RASA3: variants seen among roughly 807,000 people sequenced by gnomAD.
RASA3 encodes ras GTPase-activating protein 3.
Under a neutral mutation model 110.0 loss-of-function variants are expected in RASA3, and 73 were observed. The observed-to-expected ratio is 0.66, with a 90% CI of 0.55 to 0.81. The LOEUF (loss-of-function observed/expected upper bound fraction) is 0.81. Among genes scored for constraint, RASA3 ranks in the 30% least tolerant of loss-of-function variants. The pLI, the probability that RASA3 is intolerant of heterozygous loss-of-function variation, is 0.00. For synonymous variants in RASA3, 500 were observed against 451.4 expected, an observed-to-expected ratio of 1.11 and a Z score of -1.37; for missense variants, 976 against 1,113.2, an observed-to-expected ratio of 0.88 and a Z score of 1.75.
At chr13:114,050,600 C>A (rs530679680) in intron 3 of RASA3, among the ~76,000 whole-genome samples, 1 of 152,352 alleles carries the variant, frequency 6.6e-6, no homozygotes, top group East Asian at 1.9e-4. Flanking sequence ...GAGGGCCTCT[C>A]ACCCAGCCAA....
chr13:113,996,860 C>T, intron 20 of RASA3, 121 bp from the exon 21 acceptor site: 1 of 870,142 alleles, frequency 1.1e-6, no homozygotes, highest in Non-Finnish European at 1.8e-6. Flanking sequence ...TGAGGGTGCA[C>T]AGGCCCAAAA....
intron 7 of RASA3, among the ~76,000 whole-genome samples, chr13:114,026,219 C>T (rs1026860813): frequency 6.6e-6 from 1 of 152,210 alleles, no homozygotes; most frequent in Non-Finnish European, 1.5e-5. Flanking sequence ...AGCTCTACCC[C>T]ACTGTGTGTA....
chr13:113,996,049 GGGGGGGCCCGGCTGAT>G (rs775571565), intron 21 of RASA3, among the ~76,000 whole-genome samples: 175 of 48,342 alleles, frequency 3.6e-3, no homozygotes, highest in African/African-American at 5.3e-3. Context: ...CCCGGCTGAT[GGGGGGGCCCGGCTGAT>G]GGGGGGCCCG....
rs2053229699 is a variant in RASA3, at chr13:113,995,792, GGTCCGGCTGATGGGGGT to G, written c.2141+722_2141+738del. Among the ~76,000 whole-genome samples the G allele has an allele frequency of 7.9e-4, 45 of 56,816 alleles. 10 individuals are homozygous for G. Among genetic ancestry groups the G allele is most frequent in the Non-Finnish European group, 1.1e-3 (33 of 29,866 alleles). The allele number at this position is 56,816 out of a possible 152,430, so 37.3% of individuals were successfully genotyped here. A position where few individuals can be genotyped will look rare whatever the true frequency, so the allele number is the denominator to read the frequency against. On this transcript the variant is annotated intron_variant, in intron 21 of 23. Coordinates refer to ENST00000334062, the MANE Select transcript of RASA3 (RefSeq NM_007368.4). The stretch of plus-strand genomic sequence containing the variant: ...CTGACGGGGGGCCCGGCTGACGGGG[GGTCCGGCTGATGGGGGT>G]CCGGCTGACGGGGGGCCCGGCTGAC...
intron 3 of RASA3, among the ~76,000 whole-genome samples, chr13:114,046,105 T>C (rs1308688909): frequency 6.6e-6 from 1 of 152,222 alleles, no homozygotes; most frequent in Non-Finnish European, 1.5e-5. Context: ...ATTCAAAGCA[T>C]CTAGAATAGA....
At chr13:114,001,127 T>C (rs1488556815) in intron 18 of RASA3, among the ~76,000 whole-genome samples, 195 bp from the exon 19 acceptor site, 1 of 152,256 alleles carries the variant, frequency 6.6e-6, no homozygotes, top group African/African-American at 2.4e-5. Context: ...GAGCGCTGAC[T>C]GCTTTGAGTC....
At chr13:114,107,217 A>G (rs2080146136) in intron 1 of RASA3, among the ~76,000 whole-genome samples, 1 of 151,948 alleles carries the variant, frequency 6.6e-6, no homozygotes, top group African/African-American at 2.4e-5. Flanking sequence ...TGGTCCTCGC[A>G]GGGGACAGGC....
chr13:114,002,677 G>A (rs909545412), intron 18 of RASA3, among the ~76,000 whole-genome samples: 1 of 152,222 alleles, frequency 6.6e-6, no homozygotes, highest in Non-Finnish European at 1.5e-5. Flanking sequence ...GAGGCTGCAT[G>A]TGAATTTTAT....
intron 1 of RASA3, among the ~76,000 whole-genome samples, chr13:114,083,325 C>T (rs920122731): frequency 1.7e-4 from 26 of 152,202 alleles, no homozygotes; most frequent in Admixed American, 1.1e-3. Context: ...CAATTTCCTC[C>T]GATGTGTGGC....
chr13:114,089,765 A>G (rs2079868146), intron 1 of RASA3, among the ~76,000 whole-genome samples: 1 of 152,140 alleles, frequency 6.6e-6, no homozygotes, highest in Admixed American at 6.5e-5. Flanking sequence ...AGCAACCGTT[A>G]TCACGATTGA....
chr13:114,088,251 C>G (rs532206626), intron 1 of RASA3, among the ~76,000 whole-genome samples: 1 of 152,328 alleles, frequency 6.6e-6, no homozygotes, highest in Non-Finnish European at 1.5e-5. Flanking sequence ...CAATGATTAA[C>G]GTGCCTTTAG....
intron 2 of RASA3, among the ~76,000 whole-genome samples, chr13:114,069,221 C>T (rs1241009097): frequency 2.6e-5 from 4 of 152,176 alleles, no homozygotes. Context: ...TATTGGGCAA[C>T]AGCAAATCAA....
chr13:114,056,367 C>G lies in RASA3; in HGVS notation c.174-4212G>C. 1.1e-6 allele frequency: 1 copy of G among 876,940 alleles called. No individual in the cohort carries two copies. The highest frequency in any genetic ancestry group is 1.4e-6 in the Non-Finnish European group (1 of 731,102). 54.3% of individuals were successfully genotyped at this position (876,940 alleles called of 1,614,324 possible). On this transcript the variant is annotated intron_variant, in intron 2 of 23. Transcript: ENST00000334062. The surrounding 1 kb of genome is among the most constrained non-coding windows in gnomAD (Gnocchi z 5.7). ...CACCCCACAAACGGGCGCCGCGCAC[C>G]TGGCATTTAACCCTGCACACTTCCT...
intron 8 of RASA3, among the ~76,000 whole-genome samples, chr13:114,022,843 C>T (rs576827222): frequency 4.6e-5 from 7 of 152,328 alleles, no homozygotes; most frequent in East Asian, 1.9e-4. Context: ...CCAACAATGG[C>T]GCTTCCTTCT....
At chr13:114,079,671 C>T (rs2079750194) in intron 1 of RASA3, among the ~76,000 whole-genome samples, 1 of 152,208 alleles carries the variant, frequency 6.6e-6, no homozygotes, top group Admixed American at 6.5e-5. Flanking sequence ...GGCAGGGTCT[C>T]AGTGAGGCAC....
chr13:114,073,926 G>T, intron 1 of RASA3, 89 bp from the exon 2 acceptor site: 1 of 1,130,810 alleles, frequency 8.8e-7, no homozygotes, highest in Non-Finnish European at 1.3e-6. Context: ...CTTTGCTTGT[G>T]TGCATTCACT....
chr13:114,019,772 TCCGAGGCA>T, intron 9 of RASA3, among the ~76,000 whole-genome samples: 1 of 147,584 alleles, frequency 6.8e-6, no homozygotes, highest in African/African-American at 2.5e-5. Flanking sequence ...GGAGCCTGTG[TCCGAGGCA>T]TTAGCCCCCC....
At chr13:114,002,019 C>T (rs2053416355) in intron 18 of RASA3, among the ~76,000 whole-genome samples, 1 of 152,254 alleles carries the variant, frequency 6.6e-6, no homozygotes. Flanking sequence ...CTCGAACACC[C>T]TCCCGGCAGC....
chr13:114,101,233 A>G (rs1053811440), intron 1 of RASA3, among the ~76,000 whole-genome samples: 1 of 152,198 alleles, frequency 6.6e-6, no homozygotes, highest in Non-Finnish European at 1.5e-5. Flanking sequence ...AGAACCAGGG[A>G]ATTTCAGAGG....
Sources: allele counts gnomAD v4.1 joint callset (sites outside exome capture counted in the v4.1 genomes callset), GRCh38; gene constraint gnomAD v4.1.1; non-coding constraint Gnocchi (gnomAD v3.1); transcripts MANE v1.5; gene names NCBI Gene and HGNC (gene_info 2026-07-23, HGNC 2026-07-21).